The following NCOA3 variants were observed in gnomAD, a reference collection of about 807,000 sequenced individuals.
NCOA3 encodes the protein nuclear receptor coactivator 3.
A neutral mutation model predicts 158.8 loss-of-function variants in NCOA3; 51 were observed. The observed-to-expected ratio is 0.32, with a 90% CI of 0.26 to 0.41. NCOA3 has a LOEUF of 0.41. NCOA3 is among the 10% of genes least tolerant of loss of function. The pLI is 1.00. For synonymous variants in NCOA3, 537 were observed against 592.4 expected (o/e 0.91, Z 1.36); for missense variants, 1,510 against 1,746.6 (o/e 0.86, Z 2.41).
At chr20:47,532,295 C>T (rs891956655) in intron 1 of NCOA3, among the ~76,000 whole-genome samples, 1 of 151,850 alleles carries the variant, frequency 6.6e-6, no homozygotes, top group African/African-American at 2.4e-5. Flanking sequence ...GTGGAAAGGC[C>T]CTTTGTTAGG....
intron 1 of NCOA3, among the ~76,000 whole-genome samples, chr20:47,512,569 TA>T (rs762228515): frequency 0.01 from 862 of 84,714 alleles, 7 homozygotes; most frequent in African/African-American, 0.03. Flanking sequence ...TCTGTCTCAC[TA>T]AAAAAAAAAA....
At position 47,551,386 on chromosome 20, in the gene NCOA3, G is replaced by A. The variant is rs190469919; in HGVS notation, c.-98-31797G>A. ...GGCTGTGTTGGTGATGTAATGACAC[G>A]TTCCCTGAATTGACACATTCCCATC... On this transcript the variant is annotated intron_variant, in intron 1 of 22. Coordinates refer to ENST00000371998, the MANE Select transcript of NCOA3 (RefSeq NM_181659.3). Among the ~76,000 whole-genome samples the A allele has an allele frequency of 1.2e-4, 18 of 152,190 alleles. No homozygotes were observed. The East Asian group carries it at 3.5e-3, about 29-fold the overall frequency.
At position 47,612,524 on chromosome 20, in the gene NCOA3, G is replaced by A. The variant is rs2086061536; in HGVS notation, c.-19-9705G>A. Reference sequence around the variant, plus strand: ...TGTGGGAAAGATTAAAAAAAAATTAGTGACTTAAGGTTAAAAATAAAGGAA... The same window carrying A: ...TGTGGGAAAGATTAAAAAAAAATTAATGACTTAAGGTTAAAAATAAAGGAA... On this transcript the variant is annotated intron_variant, in intron 2 of 22. Transcript: ENST00000371998. Among the ~76,000 whole-genome samples, 5 of 152,218 alleles carry A rather than the reference G, an allele frequency of 3.3e-5. No individual in the cohort carries two copies. In the South Asian group the frequency reaches 1.0e-3, roughly 32 times the overall value.
rs1555818299 is a variant in NCOA3 at position 47,651,122 on chromosome 20, A to AGCAGCAGCAG, written c.3792_3793insGCAGCAGCAG (p.Gln1265AlafsTer24). On this transcript the variant is annotated frameshift_variant, in exon 20 of 23. Coordinates refer to ENST00000371998, the MANE Select transcript of NCOA3 (RefSeq NM_181659.3). LOFTEE classifies it high-confidence loss of function. Reference sequence around the variant, plus strand: ...AGCAGCAGCAGCAGCAGCAGCAGCAACAGCAACAGCAACAGCAACAGCAGC... The same window carrying AGCAGCAGCAG: ...AGCAGCAGCAGCAGCAGCAGCAGCAAGCAGCAGCAGCAGCAACAGCAACAGCAACAGCAGC... 10 of 1,548,158 alleles carry AGCAGCAGCAG rather than the reference A, an allele frequency of 6.5e-6. No individual in the cohort carries two copies. The highest frequency in any genetic ancestry group is 1.7e-4 in the Middle Eastern group (1 of 5,858).
At chr20:47,552,650 A>AT (rs536565401) in intron 1 of NCOA3, among the ~76,000 whole-genome samples, 9 of 151,832 alleles carry the variant, frequency 5.9e-5, no homozygotes, top group Admixed American at 2.0e-4. Flanking sequence ...GTAGGTTTTA[A>AT]TTTTTTTTGT....
intron 1 of NCOA3, among the ~76,000 whole-genome samples, chr20:47,528,992 C>G (rs2084501914): frequency 6.6e-6 from 1 of 152,138 alleles, no homozygotes; most frequent in Non-Finnish European, 1.5e-5. Flanking sequence ...GTCTCGAACT[C>G]CCGACCTCGG....
At chr20:47,530,136 T>A (rs2084521640) in intron 1 of NCOA3, among the ~76,000 whole-genome samples, 1 of 152,254 alleles carries the variant, frequency 6.6e-6, no homozygotes, top group Non-Finnish European at 1.5e-5. Context: ...TGTATGTTTG[T>A]TTCATCTCTG....
chr20:47,547,594 G>T (rs372665441), intron 1 of NCOA3, among the ~76,000 whole-genome samples: 27 of 151,776 alleles, frequency 1.8e-4, no homozygotes, highest in East Asian at 1.6e-3. Flanking sequence ...TTGTGTGTGT[G>T]TTTTTAGTAG....
Position 47,628,332 on chromosome 20 carries a change from C to T in NCOA3, c.823+309C>T, listed in dbSNP as rs903239625. The T allele has an allele frequency of 1.7e-5, 4 of 238,132 alleles. No individual in the cohort carries two copies. In the East Asian group the frequency reaches 3.4e-4, roughly 20 times the overall value. 14.8% of individuals were successfully genotyped at this position (238,132 alleles called of 1,614,324 possible). ...GCGTCAGAATTTAGTATTTCTTTAA[C>T]TTCAAGCCCATTTGTCATAAAGAAA... On this transcript the variant is annotated intron_variant, in intron 8 of 22. Coordinates refer to ENST00000371998, the MANE Select transcript of NCOA3 (RefSeq NM_181659.3).
chr20:47,589,945 A>ATTTTTTTTATTTTTTTTTTTTTTATTTT (rs1568707770), intron 2 of NCOA3, among the ~76,000 whole-genome samples: 1 of 134,458 alleles, frequency 7.4e-6, no homozygotes, highest in Admixed American at 7.5e-5. Context: ...TTTTAAAAAA[A>ATTTTTTTTATTTTTTTTTTTTTTATTTT]TTTTTTAATT....
intron 2 of NCOA3, among the ~76,000 whole-genome samples, chr20:47,593,606 G>A (rs1403943367): frequency 6.6e-6 from 1 of 152,064 alleles, no homozygotes; most frequent in Non-Finnish European, 1.5e-5. Context: ...GCCTCCCAAA[G>A]CGCTAGGATT....
chr20:47,597,741 G>A (rs974243197), intron 2 of NCOA3, among the ~76,000 whole-genome samples: 3 of 151,188 alleles, frequency 2.0e-5, no homozygotes, highest in Non-Finnish European at 4.4e-5. Context: ...CACCGGCCTC[G>A]GCCTCCCAAA....
rs574731652 is a variant in NCOA3, at chr20:47,627,163, A to G, written c.519A>G (p.Leu173=). ...ACAGAAAGGATTTTCTTAAGAATTT[A>G]CCAAAATCTACAGGTAGGCTTTTAA... The part of the protein sequence containing the change: ...EEDRKDFLKN[L]PKSTVNGVSW... Residue 173 remains leucine, a synonymous_variant, in exon 6 of 23, where the codon TTA becomes TTG. Coordinates refer to ENST00000371998, the MANE Select transcript of NCOA3 (RefSeq NM_181659.3). 1 of 1,602,570 alleles carries G rather than the reference A, an allele frequency of 6.2e-7. No individual in the cohort carries two copies. Among genetic ancestry groups the G allele is most frequent in the Admixed American group, 1.7e-5 (1 of 58,098 alleles).
intron 1 of NCOA3, among the ~76,000 whole-genome samples, chr20:47,522,926 C>T (rs1464186293): frequency 2.0e-5 from 3 of 151,208 alleles, no homozygotes; most frequent in Non-Finnish European, 4.4e-5. Flanking sequence ...CGCGGTGGCT[C>T]ACCCCTGTAA....
chr20:47,502,212 G>C (rs2083943656), intron 1 of NCOA3, among the ~76,000 whole-genome samples, 193 bp downstream of exon 1: 2 of 152,184 alleles, frequency 1.3e-5, no homozygotes, highest in South Asian at 4.1e-4. Flanking sequence ...CCTCAGCCCG[G>C]GGGGCGGCCC....
chr20:47,556,698 A>G (rs552639814), intron 1 of NCOA3, among the ~76,000 whole-genome samples: 2 of 152,076 alleles, frequency 1.3e-5, no homozygotes, highest in South Asian at 2.1e-4. Flanking sequence ...AATTTTTTGT[A>G]TTTTTAATAG....
intron 1 of NCOA3, among the ~76,000 whole-genome samples, chr20:47,505,561 A>C (rs559917823): frequency 6.6e-6 from 1 of 152,118 alleles, no homozygotes; most frequent in Non-Finnish European, 1.5e-5. Flanking sequence ...CTTGTTGATC[A>C]TGATTGAAGA....
chr20:47,516,459 CAG>C (rs2084235647), intron 1 of NCOA3, among the ~76,000 whole-genome samples: 1 of 152,074 alleles, frequency 6.6e-6, no homozygotes. Context: ...GGGTAGAAGA[CAG>C]AGCAAGGGTC....
chr20:47,599,437 T>C (rs2085821247), intron 2 of NCOA3, among the ~76,000 whole-genome samples: 1 of 152,066 alleles, frequency 6.6e-6, no homozygotes, highest in South Asian at 2.1e-4. Context: ...TGAGTTCTTT[T>C]TGGGATAATG....
Sources: allele counts gnomAD v4.1 joint callset (sites outside exome capture counted in the v4.1 genomes callset), GRCh38; gene constraint gnomAD v4.1.1; transcripts MANE v1.5; gene names NCBI Gene and HGNC (gene_info 2026-07-23, HGNC 2026-07-21).